The following IRS1 variants were observed in gnomAD, a reference collection of about 807,000 sequenced individuals.
The protein encoded by IRS1 is insulin receptor substrate 1.
IRS1 carries 34 observed loss-of-function variants against 65.6 expected under a neutral mutation model. That is an observed-to-expected ratio of 0.52 (90% CI 0.39 to 0.69). The LOEUF is 0.69. Ranked by LOEUF, IRS1 falls within the 30% of genes least tolerant of loss-of-function variation. The probability of loss-of-function intolerance (pLI) is 0.00; values close to 1 mark genes in which losing one functional copy is unlikely to be tolerated. For missense variants in IRS1, 1,641 were observed against 1,720.2 expected, an observed-to-expected ratio of 0.95 and a Z score of 0.81; for synonymous variants, 699 against 683.5, an observed-to-expected ratio of 1.02 and a Z score of -0.35.
chr2:226,750,900 C>T (rs943008872), intron 1 of IRS1, among the ~76,000 whole-genome samples: 7 of 152,166 alleles, frequency 4.6e-5, no homozygotes, highest in African/African-American at 1.2e-4. Flanking sequence ...TTCTAACCAG[C>T]TTACAAGTGA....
rs1039029090 is a variant in IRS1, at chr2:226,732,004, G to A, written c.*4268C>T. 3.3e-5 allele frequency: 5 copies of A among 152,164 alleles called. No individual in the cohort carries two copies. Among genetic ancestry groups the A allele is most frequent in the Non-Finnish European group, 5.9e-5 (4 of 68,034 alleles). 9.4% of individuals were successfully genotyped at this position (152,164 alleles called of 1,614,324 possible). A position where few individuals can be genotyped will look rare whatever the true frequency, so the allele number is the denominator to read the frequency against. On this transcript the variant is annotated 3_prime_UTR_variant, in exon 2 of 2. Coordinates refer to ENST00000305123, the MANE Select transcript of IRS1 (RefSeq NM_005544.3). Reference sequence around the variant, plus strand: ...AAACACCAGATCTTTTGGTGTATACGTCACAAATGGCAAGTCATACACAAA... The same window carrying A: ...AAACACCAGATCTTTTGGTGTATACATCACAAATGGCAAGTCATACACAAA...
At chr2:226,782,736 C>T (rs1485892166) in intron 1 of IRS1, among the ~76,000 whole-genome samples, 2 of 152,222 alleles carry the variant, frequency 1.3e-5, no homozygotes, top group Non-Finnish European at 2.9e-5. Context: ...TGCTGTGGCT[C>T]ATGCCTGGAA....
At chr2:226,740,843 A>T (rs1340055509) in intron 1 of IRS1, among the ~76,000 whole-genome samples, 1 of 152,148 alleles carries the variant, frequency 6.6e-6, no homozygotes, top group Non-Finnish European at 1.5e-5. Context: ...TAAAAAAATG[A>T]CCGTAGTGAT....
In IRS1 at chr2:226,795,013, C is replaced by T. The variant is rs865848090; in HGVS notation, c.3726G>A (p.Gln1242=). ...ISFQKQPEDR[Q] is the part of the protein sequence containing the mutation. ...CCTGCTGTGATGTCCAGTTGAGCTA[C>T]TGACGGTCCTCTGGCTGCTTCTGGA... Residue 1242 remains glutamine (Q), a synonymous_variant, in exon 1 of 2, where the codon CAG becomes CAA. Coordinates refer to ENST00000305123, the MANE Select transcript of IRS1 (RefSeq NM_005544.3). The T allele has an allele frequency of 6.8e-6, 11 of 1,613,162 alleles. No individual in the cohort carries two copies. The Middle Eastern group carries it at 9.9e-4, about 145-fold the overall frequency.
chr2:226,776,375 G>A (rs942035832), intron 1 of IRS1, among the ~76,000 whole-genome samples: 8 of 152,046 alleles, frequency 5.3e-5, no homozygotes, highest in Admixed American at 4.6e-4. Context: ...GGTTCGGGTG[G>A]GGGTGGGTAG....
intron 1 of IRS1, among the ~76,000 whole-genome samples, chr2:226,777,966 T>A (rs1178796490): frequency 1.3e-5 from 2 of 152,206 alleles, no homozygotes; most frequent in Non-Finnish European, 2.9e-5. Flanking sequence ...CATAGTCAGT[T>A]TAATTAGAAT....
Position 226,795,202 on chromosome 2 carries a change from G to A in IRS1, c.3537C>T (p.Tyr1179=). The A allele has an allele frequency of 6.2e-7, 1 of 1,614,004 alleles. No homozygotes were observed. Among genetic ancestry groups the A allele is most frequent in the Non-Finnish European group, 8.5e-7 (1 of 1,179,974 alleles). Residue 1179 remains tyrosine (Y), a synonymous_variant, in exon 1 of 2, where the codon TAC becomes TAT. Transcript: ENST00000305123. ...AGTCCTTGACCAAATCCAGGTCTAT[G>A]TAGTTAAGACCATTCTCCAAACCCC... ...AAGGLENGLN[Y]IDLDLVKDFK...
chr2:226,753,297 T>C (rs890975106), intron 1 of IRS1, among the ~76,000 whole-genome samples: 1 of 152,208 alleles, frequency 6.6e-6, no homozygotes, highest in Non-Finnish European at 1.5e-5. Flanking sequence ...TGCTTTAAAC[T>C]TATAATTTTA....
chr2:226,770,565 G>T (rs576516963), intron 1 of IRS1, among the ~76,000 whole-genome samples: 1 of 152,260 alleles, frequency 6.6e-6, no homozygotes, highest in African/African-American at 2.4e-5. Flanking sequence ...AGGATCAAAT[G>T]AATGAACAAT....
rs776343218 is a variant in IRS1, at chr2:226,797,945, C to T, written c.794G>A (p.Arg265His). The T allele has an allele frequency of 2.5e-6, 4 of 1,614,022 alleles. No individual in the cohort carries two copies. The highest frequency in any genetic ancestry group is 2.2e-5 in the East Asian group (1 of 44,866). ...EAMRAMSDEF[R>H]PRSKSQSSSN... ...CGAGGACTGGCTCTTGCTGCGAGGG[C>T]GGAACTCATCACTCATGGCCCGCAT... Residue 265 changes from arginine to histidine, a missense_variant, in exon 1 of 2, where the codon CGC becomes CAC. By Grantham distance (29) the Arg-to-His change is conservative. Transcript: ENST00000305123. This position sits in a 1 kb window ranked among gnomAD's most constrained non-coding sequence, Gnocchi z 8.1.
chr2:226,782,717 T>C (rs975119035), intron 1 of IRS1, among the ~76,000 whole-genome samples: 1 of 152,200 alleles, frequency 6.6e-6, no homozygotes, highest in African/African-American at 2.4e-5. Flanking sequence ...AGTGTAATCC[T>C]TGGTTGGGTG....
Position 226,797,745 on chromosome 2 carries a change from C to G in IRS1, c.994G>C (p.Gly332Arg). ...GCTGGGCGGGACATGGTGCCTTCGC[C>G]GTCACTGGAGGCGCGGACACGGAAG... ...GSFRVRASSD[G>R]EGTMSRPASV... Residue 332 changes from glycine (G) to arginine (R), a missense_variant, in exon 1 of 2, where the codon GGC becomes CGC. Physicochemically the swap from Gly to Arg is moderately radical, Grantham distance 125 (BLOSUM62 -2). Coordinates refer to ENST00000305123, the MANE Select transcript of IRS1 (RefSeq NM_005544.3). This position sits in a 1 kb window ranked among gnomAD's most constrained non-coding sequence, Gnocchi z 8.1. 1 of 1,596,166 alleles carries G rather than the reference C, an allele frequency of 6.3e-7. No homozygotes were observed. The highest frequency in any genetic ancestry group is 8.5e-7 in the Non-Finnish European group (1 of 1,176,904).
intron 1 of IRS1, among the ~76,000 whole-genome samples, chr2:226,755,029 C>T (rs1254196989): frequency 6.6e-6 from 1 of 152,148 alleles, no homozygotes; most frequent in Non-Finnish European, 1.5e-5. Flanking sequence ...TGAGGCCTGA[C>T]ATTTATTGAT....
intron 1 of IRS1, among the ~76,000 whole-genome samples, chr2:226,786,181 G>A (rs1033912219): frequency 6.7e-5 from 10 of 150,220 alleles, no homozygotes; most frequent in South Asian, 4.5e-4. Flanking sequence ...CTTTGCTATC[G>A]TGAATAGTGC....
At chr2:226,791,891 T>C (rs888868628) in intron 1 of IRS1, among the ~76,000 whole-genome samples, 9 of 151,542 alleles carry the variant, frequency 5.9e-5, no homozygotes, top group African/African-American at 7.3e-5. Flanking sequence ...CCGAGGGCGG[T>C]CTGGCTGCAG....
intron 1 of IRS1, among the ~76,000 whole-genome samples, chr2:226,762,838 A>G (rs982496962): frequency 9.2e-5 from 14 of 152,240 alleles, no homozygotes. Flanking sequence ...TCATAAGAAC[A>G]AAATCAGCTC....
intron 1 of IRS1, among the ~76,000 whole-genome samples, chr2:226,760,624 C>A (rs567391652): frequency 6.6e-6 from 1 of 152,136 alleles, no homozygotes; most frequent in Non-Finnish European, 1.5e-5. Flanking sequence ...AACCCCACCC[C>A]CCTCCACAAA....
intron 1 of IRS1, among the ~76,000 whole-genome samples, chr2:226,758,957 A>G (rs539700410): frequency 4.6e-5 from 7 of 152,228 alleles, no homozygotes; most frequent in Non-Finnish European, 1.0e-4. Context: ...TGCACATTAC[A>G]AATTATTTTG....
At chr2:226,747,088 C>A (rs1463546360) in intron 1 of IRS1, among the ~76,000 whole-genome samples, 1 of 152,096 alleles carries the variant, frequency 6.6e-6, no homozygotes, top group Non-Finnish European at 1.5e-5. Context: ...TCATGCCCAG[C>A]CCTAACAGCA....
Sources: gnomAD v4.1 joint callset for allele counts (sites outside exome capture counted in the v4.1 genomes callset) on GRCh38, gnomAD v4.1.1 for gene constraint, Gnocchi (gnomAD v3.1) non-coding constraint, MANE v1.5 for transcripts, NCBI Gene and HGNC (gene_info 2026-07-23, HGNC 2026-07-21) for gene names.